Variants in MICU1 observed in about 807,000 individuals in gnomAD.
MICU1 encodes the protein mitochondrial calcium uptake 1.
MICU1 carries 45 observed loss-of-function variants against 56.8 expected under a neutral mutation model. That is an observed-to-expected ratio of 0.79 (90% CI 0.62 to 1.02). The LOEUF (loss-of-function observed/expected upper bound fraction) is 1.02. Ranked by LOEUF, MICU1 falls within the 50% of genes least tolerant of loss-of-function variation. MICU1 has a pLI of 0.00. For missense variants in MICU1, 504 were observed against 587.1 expected, an observed-to-expected ratio of 0.86 and a Z score of 1.46; for synonymous variants, 186 against 195.1, an observed-to-expected ratio of 0.95 and a Z score of 0.39.
At chr10:72,586,548 A>G (rs1183502007) in intron 1 of MICU1, among the ~76,000 whole-genome samples, 2 of 151,930 alleles carry the variant, frequency 1.3e-5, no homozygotes, top group Non-Finnish European at 2.9e-5. Context: ...GCTACTCGGG[A>G]GGCTGAGGCA....
At chr10:72,449,566 T>C (rs1865231690) in intron 8 of MICU1, among the ~76,000 whole-genome samples, 1 of 152,172 alleles carries the variant, frequency 6.6e-6, no homozygotes, top group African/African-American at 2.4e-5. Flanking sequence ...AGACAGACCA[T>C]TAAGTCAGGT....
intron 9 of MICU1, among the ~76,000 whole-genome samples, chr10:72,414,091 T>A (rs552393941): frequency 6.6e-5 from 10 of 152,190 alleles, no homozygotes; most frequent in African/African-American, 2.4e-4. Context: ...AAAATTAAAT[T>A]TACCATACAA....
intron 1 of MICU1, among the ~76,000 whole-genome samples, chr10:72,607,543 A>G (rs770063854): frequency 2.7e-4 from 40 of 149,950 alleles, no homozygotes; most frequent in Admixed American, 2.3e-3. Context: ...AGGCTGAGGC[A>G]GGGGAATCGC....
In MICU1 at chr10:72,534,699, T is replaced by C. The variant is rs947514442; in HGVS notation, c.494-910A>G. Among the ~76,000 whole-genome samples, 10 of 152,158 alleles carry C rather than the reference T, an allele frequency of 6.6e-5. No individual in the cohort carries two copies. In the East Asian group the frequency reaches 1.5e-3, roughly 23 times the overall value. On this transcript the variant is annotated intron_variant, in intron 4 of 11. Coordinates refer to ENST00000361114, the MANE Select transcript of MICU1 (RefSeq NM_001195518.2). ...CAGTATTACAATCATCAGATTATCA[T>C]TGCTCCCAGAAAAAGCTTTTTGCAT...
At position 72,597,609 on chromosome 10, in the gene MICU1, AT is replaced by A. The variant is rs1181562866; in HGVS notation, c.-2+28400del. ...TATCATTAAATTTATTGTGTTAATC[AT>A]TTTTAAGTGTATGGTTCAGAAGTGT... is the stretch of plus-strand genomic sequence containing the variant. On this transcript the variant is annotated intron_variant, in intron 1 of 11. Coordinates refer to ENST00000361114, the MANE Select transcript of MICU1 (RefSeq NM_001195518.2). Among the ~76,000 whole-genome samples, 6 of 152,322 alleles carry A rather than the reference AT, an allele frequency of 3.9e-5. No individual in the cohort carries two copies. The South Asian group carries it at 6.2e-4, about 16-fold the overall frequency.
At chr10:72,524,707 T>C (rs949311741) in intron 5 of MICU1, 2 of 1,230,582 alleles carry the variant, frequency 1.6e-6, no homozygotes, top group Non-Finnish European at 2.0e-6. Flanking sequence ...CATTAAGTAA[T>C]TTAAAGCACA....
chr10:72,451,811 G>A (rs1170894515), intron 8 of MICU1, among the ~76,000 whole-genome samples: 2 of 152,068 alleles, frequency 1.3e-5, no homozygotes, highest in African/African-American at 2.4e-5. Context: ...TTAAAGTGCT[G>A]GGACTACAGA....
intron 5 of MICU1, among the ~76,000 whole-genome samples, chr10:72,520,359 C>A (rs1867780222): frequency 6.6e-6 from 1 of 152,062 alleles, no homozygotes. Context: ...ATATGTTTTT[C>A]TTATTCCCCA....
intron 8 of MICU1, among the ~76,000 whole-genome samples, chr10:72,441,016 G>A (rs1212715169): frequency 6.6e-6 from 1 of 152,126 alleles, no homozygotes; most frequent in Non-Finnish European, 1.5e-5. Context: ...TCTAGAACCA[G>A]AATTACCATT....
In MICU1 at chr10:72,457,520, G is replaced by A. The variant is rs116279113; in HGVS notation, c.933+17580C>T. 3.9e-3 allele frequency among the ~76,000 whole-genome samples: 594 copies of A among 151,900 alleles called. 2 individuals carry two copies. The highest frequency in any genetic ancestry group is 0.014 in the African/African-American group (569 of 41,424). On this transcript the variant is annotated intron_variant, in intron 8 of 11. Coordinates refer to ENST00000361114, the MANE Select transcript of MICU1 (RefSeq NM_001195518.2). ...TACAGGCATGAGCCATCACACCAGG[G>A]CTTACTTCCTACTTTTAAGAACCAC...
intron 5 of MICU1, among the ~76,000 whole-genome samples, chr10:72,531,092 T>C (rs925312413): frequency 2.0e-5 from 3 of 152,172 alleles, no homozygotes; most frequent in Non-Finnish European, 4.4e-5. Context: ...TTTTGGACTT[T>C]GTTAAATGGT....
chr10:72,601,701 G>A (rs967430025), intron 1 of MICU1, among the ~76,000 whole-genome samples: 4 of 152,058 alleles, frequency 2.6e-5, no homozygotes, highest in African/African-American at 4.8e-5. Context: ...ACAAGAAAGC[G>A]TGTGTATTAA....
At chr10:72,465,998 A>G (rs1178837026) in intron 8 of MICU1, among the ~76,000 whole-genome samples, 1 of 152,164 alleles carries the variant, frequency 6.6e-6, no homozygotes, top group Non-Finnish European at 1.5e-5. Context: ...CAACCTCACC[A>G]TACAATTTTT....
At chr10:72,477,554 C>T (rs1303751594) in intron 6 of MICU1, 2 of 1,535,124 alleles carry the variant, frequency 1.3e-6, no homozygotes, top group East Asian at 4.9e-5. Context: ...ACACCATCTT[C>T]TTAGCTTAGT....
At chr10:72,609,181 G>C (rs1280801316) in intron 1 of MICU1, among the ~76,000 whole-genome samples, 1 of 152,178 alleles carries the variant, frequency 6.6e-6, no homozygotes, top group East Asian at 1.9e-4. Context: ...TTCAGAGACA[G>C]AAAGTAGACT....
chr10:72,420,336 C>T (rs1445930530), intron 9 of MICU1, among the ~76,000 whole-genome samples: 1 of 152,220 alleles, frequency 6.6e-6, no homozygotes, highest in Non-Finnish European at 1.5e-5. Flanking sequence ...GCTGGGATTA[C>T]AGGCATGAGC....
At position 72,487,454 on chromosome 10, in the gene MICU1, A is replaced by ATGGCTT. The variant is rs1384034661; in HGVS notation, c.653-10204_653-10199dup. Among the ~76,000 whole-genome samples, 3 of 152,174 alleles carry ATGGCTT rather than the reference A, an allele frequency of 2.0e-5. No homozygotes were observed. The East Asian group carries it at 5.8e-4, about 29-fold the overall frequency. ...AAATAACTGTAACCACAGATGAAAC[A>ATGGCTT]TGGCTTTACCAGCGTGTCCTGACGA... On this transcript the variant is annotated intron_variant, in intron 6 of 11. Transcript: ENST00000361114.
intron 6 of MICU1, among the ~76,000 whole-genome samples, chr10:72,499,006 T>C (rs918479730): frequency 2.0e-5 from 3 of 152,130 alleles, no homozygotes; most frequent in African/African-American, 7.2e-5. Flanking sequence ...TATTACATTA[T>C]AAGAATATTA....
Position 72,553,963 on chromosome 10 carries a change from T to C in MICU1, c.331-2622A>G, listed in dbSNP as rs368654431. On this transcript the variant is annotated intron_variant, in intron 3 of 11. Coordinates refer to ENST00000361114, the MANE Select transcript of MICU1 (RefSeq NM_001195518.2). ...TTGGAAGCAGAGATAAATAGAAATCTGTTGAAGGATTTTGGGATGTTTAGC... is the reference window on the plus strand; with the variant it reads ...TTGGAAGCAGAGATAAATAGAAATCCGTTGAAGGATTTTGGGATGTTTAGC... Among the ~76,000 whole-genome samples the C allele has an allele frequency of 7.9e-5, 12 of 152,264 alleles. No individual in the cohort carries two copies. The East Asian group carries it at 1.9e-3, about 24-fold the overall frequency.
Sources: gnomAD v4.1 joint callset for allele counts (sites outside exome capture counted in the v4.1 genomes callset) on GRCh38, gnomAD v4.1.1 for gene constraint, MANE v1.5 for transcripts, NCBI Gene and HGNC (gene_info 2026-07-23, HGNC 2026-07-21) for gene names.